Variants in SULT1E1 observed in about 807,000 individuals in gnomAD.
SULT1E1 encodes the protein sulfotransferase 1E1.
A neutral mutation model predicts 33.6 loss-of-function variants in SULT1E1; 36 were observed. The observed-to-expected ratio is 1.07, with a 90% confidence interval of 0.82 to 1.41. The LOEUF is 1.41. Among genes scored for constraint, SULT1E1 ranks in the 40% most tolerant of loss-of-function variants. The pLI is 0.00. For synonymous variants in SULT1E1, 121 were observed against 111.7 expected (o/e 1.08, Z -0.53); for missense variants, 371 against 345.7 (o/e 1.07, Z -0.58).
chr4:69,842,192 C>A lies in SULT1E1; in HGVS notation c.773-86G>T, dbSNP rs745779030. ...CTAATTTCATCACTTTCATTAACAC[C>A]TAATCAAATATTATACTTGTAATTC... On this transcript the variant is annotated intron_variant, in intron 7 of 7. Coordinates refer to ENST00000226444, the MANE Select transcript of SULT1E1 (RefSeq NM_005420.3). The A allele has an allele frequency of 1.1e-4, 82 of 719,512 alleles. 1 individual carries two copies. The highest frequency in any genetic ancestry group is 1.8e-4 in the Non-Finnish European group (75 of 421,236). 44.6% of individuals were successfully genotyped at this position (719,512 alleles called of 1,614,324 possible). A position where few individuals can be genotyped will look rare whatever the true frequency, so the allele number is the denominator to read the frequency against.
At chr4:69,847,643 C>T (rs1578103263) in intron 6 of SULT1E1, 55 bp downstream of exon 6, 8 of 1,096,100 alleles carry the variant, frequency 7.3e-6, no homozygotes, top group South Asian at 1.6e-5. Context: ...AGAGTATTTT[C>T]AAATGCTAAC....
the SULT1E1 span, among the ~76,000 whole-genome samples, chr4:69,832,891 G>A: frequency 6.6e-6 from 1 of 152,160 alleles, no homozygotes; most frequent in African/African-American, 2.4e-5. Flanking sequence ...TACACTAAAG[G>A]AGAGATAGGA....
chr4:69,845,561 CTTATT>C (rs1720957332), intron 6 of SULT1E1, among the ~76,000 whole-genome samples: 2 of 150,958 alleles, frequency 1.3e-5, no homozygotes, highest in Admixed American at 6.6e-5. Flanking sequence ...TACACAAAAT[CTTATT>C]TTATATATAC....
At chr4:69,846,305 CAAAAAAA>C (rs34408656) in intron 6 of SULT1E1, among the ~76,000 whole-genome samples, 3 of 107,040 alleles carry the variant, frequency 2.8e-5, no homozygotes, top group African/African-American at 1.1e-4. Flanking sequence ...ACAAAACAAT[CAAAAAAA>C]AAAAAAAAAA....
At chr4:69,844,577 G>T (rs1578102100) in intron 6 of SULT1E1, among the ~76,000 whole-genome samples, 2 of 152,184 alleles carry the variant, frequency 1.3e-5, no homozygotes, top group African/African-American at 2.4e-5. Context: ...TGAGATGTTT[G>T]TGAATGCTTA....
At chr4:69,833,084 TTTC>T in the SULT1E1 span, among the ~76,000 whole-genome samples, 49 of 152,214 alleles carry the variant, frequency 3.2e-4, no homozygotes, top group Admixed American at 9.2e-4. Flanking sequence ...TTTGCTTTTC[TTTC>T]TTTAATATCC....
the SULT1E1 span, among the ~76,000 whole-genome samples, chr4:69,831,095 C>T: frequency 9.3e-4 from 142 of 152,236 alleles, no homozygotes; most frequent in African/African-American, 3.0e-3. Flanking sequence ...TGTACCCACT[C>T]GGATTTAACT....
At chr4:69,821,248 A>G in the SULT1E1 span, among the ~76,000 whole-genome samples, 1 of 152,144 alleles carries the variant, frequency 6.6e-6, no homozygotes, top group African/African-American at 2.4e-5. Context: ...AAACTATCCT[A>G]CGTTTTTCAC....
intron 3 of SULT1E1, 41 bp downstream of exon 3, chr4:69,855,260 G>A (rs1721211319): frequency 1.9e-6 from 3 of 1,588,176 alleles, no homozygotes; most frequent in Non-Finnish European, 2.6e-6. Flanking sequence ...ACACACCTTA[G>A]AATATATGCA....
Position 69,849,513 on chromosome 4 carries a change from A to G in SULT1E1, c.420T>C (p.Tyr140=), listed in dbSNP as rs1488543721. Residue 140 remains tyrosine (Y), a synonymous_variant, in exon 5 of 8, where the codon TAT becomes TAC. Transcript: ENST00000226444. ...GATGACCAGCCACCATTAGAAAGAA[A>G]TAATAAAAGGAAACAGCCACATCCT... ...NAKDVAVSFY[Y]FFLMVAGHPN... 1.2e-6 allele frequency: 2 copies of G among 1,611,398 alleles called. No homozygotes were observed. Among genetic ancestry groups the G allele is most frequent in the Non-Finnish European group, 8.5e-7 (1 of 1,178,268 alleles).
chr4:69,832,458 T>C, the SULT1E1 span, among the ~76,000 whole-genome samples: 1 of 152,268 alleles, frequency 6.6e-6, no homozygotes, highest in South Asian at 2.1e-4. Context: ...CACAGCAGAC[T>C]CAATGTCCAA....
intron 4 of SULT1E1, among the ~76,000 whole-genome samples, chr4:69,851,316 T>A (rs952624701): frequency 2.0e-5 from 3 of 152,014 alleles, no homozygotes; most frequent in Admixed American, 1.3e-4. Flanking sequence ...GGGTGAAGGA[T>A]ATGAACAGAC....
chr4:69,828,253 T>G, the SULT1E1 span, among the ~76,000 whole-genome samples: 1 of 152,242 alleles, frequency 6.6e-6, no homozygotes, highest in Admixed American at 6.5e-5. Flanking sequence ...CAAGTCCCTT[T>G]CCATGCTATG....
chr4:69,854,207 C>T lies in SULT1E1; in HGVS notation c.369+10G>A, dbSNP rs773408680. The T allele has an allele frequency of 5.0e-6, 8 of 1,604,728 alleles. No individual in the cohort carries two copies. The African/African-American group carries it at 6.7e-5, about 13-fold the overall frequency. Reference sequence around the variant, plus strand: ...TGGATGAAGTTTTGAGAACACTTGACTCTGGTTACCTTACAATCCTTTTCC... The same window carrying T: ...TGGATGAAGTTTTGAGAACACTTGATTCTGGTTACCTTACAATCCTTTTCC... On this transcript the variant is annotated intron_variant, in intron 4 of 7. Transcript: ENST00000226444.
At chr4:69,853,576 C>A (rs1721170561) in intron 4 of SULT1E1, among the ~76,000 whole-genome samples, 1 of 152,134 alleles carries the variant, frequency 6.6e-6, no homozygotes, top group Non-Finnish European at 1.5e-5. Flanking sequence ...TCCCTACCCC[C>A]AGTGTCTGAG....
At chr4:69,842,251 A>C in intron 7 of SULT1E1, 145 bp from the exon 8 acceptor site, 1 of 550,092 alleles carries the variant, frequency 1.8e-6, no homozygotes, top group Non-Finnish European at 3.1e-6. Context: ...ACCTTTAATG[A>C]TATACTTTTT....
the SULT1E1 span, among the ~76,000 whole-genome samples, chr4:69,821,954 A>C: frequency 2.0e-5 from 3 of 152,220 alleles, no homozygotes; most frequent in Non-Finnish European, 4.4e-5. Context: ...ATATAGTTGT[A>C]ATAGTTAGGT....
the SULT1E1 span, among the ~76,000 whole-genome samples, chr4:69,823,931 T>C: frequency 6.6e-6 from 1 of 152,164 alleles, no homozygotes; most frequent in Non-Finnish European, 1.5e-5. Context: ...GGGTCTGATC[T>C]GTCAAATCTC....
intron 2 of SULT1E1, 64 bp from the exon 3 acceptor site, chr4:69,855,490 C>T: frequency 6.7e-7 from 1 of 1,498,498 alleles, no homozygotes; most frequent in Non-Finnish European, 8.9e-7. Flanking sequence ...ATTAGTGCTG[C>T]ATTTATGGAT....
Sources: allele counts gnomAD v4.1 joint callset (sites outside exome capture counted in the v4.1 genomes callset), GRCh38; gene constraint gnomAD v4.1.1; transcripts MANE v1.5; gene names NCBI Gene and HGNC (gene_info 2026-07-23, HGNC 2026-07-21).